Variants in DYNC2H1 observed in about 807,000 individuals in gnomAD.
DYNC2H1 encodes cytoplasmic dynein 2 heavy chain 1.
A neutral mutation model predicts 570.0 loss-of-function variants in DYNC2H1; 410 were observed. The ratio of observed to expected loss-of-function variants is 0.72; its 90% CI spans 0.66 to 0.78. DYNC2H1 has a LOEUF of 0.78. Ranked by LOEUF, DYNC2H1 falls within the 30% of genes least tolerant of loss-of-function variation. The pLI, the probability that DYNC2H1 is intolerant of heterozygous loss-of-function variation, is 0.00. For missense variants in DYNC2H1, 4,865 were observed against 5,046.4 expected (o/e 0.96, Z 1.09); for synonymous variants, 1,688 against 1,677.6 (o/e 1.01, Z -0.15).
At chr11:103,240,113 T>G (rs2135213627) in intron 63 of DYNC2H1, among the ~76,000 whole-genome samples, 1 of 152,270 alleles carries the variant, frequency 6.6e-6, no homozygotes, top group South Asian at 2.1e-4. Flanking sequence ...ATAGCTGAGA[T>G]GTCTAAAAGG....
At chr11:103,187,999 G>A (rs1360237515) in intron 43 of DYNC2H1, among the ~76,000 whole-genome samples, 5 of 151,886 alleles carry the variant, frequency 3.3e-5, no homozygotes, top group African/African-American at 7.3e-5. Context: ...ATTTTTGCCT[G>A]TATAAGGATT....
At chr11:103,410,955 A>G (rs190317785) in intron 84 of DYNC2H1, among the ~76,000 whole-genome samples, 43 of 152,272 alleles carry the variant, frequency 2.8e-4, no homozygotes, top group African/African-American at 1.0e-3. Context: ...GCATTTGTGC[A>G]TGCTTGATAC....
At chr11:103,216,690 G>T (rs1383695970) in intron 55 of DYNC2H1, among the ~76,000 whole-genome samples, 1 of 152,026 alleles carries the variant, frequency 6.6e-6, no homozygotes, top group Non-Finnish European at 1.5e-5. Context: ...TACTCAGGAG[G>T]CTGAGGTAGG....
chr11:103,259,265 C>T (rs983724478), intron 69 of DYNC2H1, among the ~76,000 whole-genome samples: 2 of 152,148 alleles, frequency 1.3e-5, no homozygotes, highest in African/African-American at 2.4e-5. Flanking sequence ...GACAGGTTGA[C>T]AACCTACCCT....
chr11:103,400,565 C>A (rs910608784), intron 84 of DYNC2H1, among the ~76,000 whole-genome samples: 1 of 152,006 alleles, frequency 6.6e-6, no homozygotes, highest in Non-Finnish European at 1.5e-5. Flanking sequence ...GGATGTTCTG[C>A]ACAGATTTAT....
chr11:103,227,236 TG>T (rs1004627174), intron 59 of DYNC2H1, among the ~76,000 whole-genome samples: 2 of 152,138 alleles, frequency 1.3e-5, no homozygotes, highest in African/African-American at 4.8e-5. Flanking sequence ...GGGTTTGGAT[TG>T]TTCTTGTTTC....
intron 47 of DYNC2H1, among the ~76,000 whole-genome samples, chr11:103,197,532 T>C (rs779292226): frequency 6.6e-6 from 1 of 152,052 alleles, no homozygotes; most frequent in East Asian, 1.9e-4. Context: ...ACGGCAGCCT[T>C]AAACTCCTGG....
At chr11:103,282,042 C>A in intron 71 of DYNC2H1, 137 bp from the exon 72 acceptor site, 20 of 581,022 alleles carry the variant, frequency 3.4e-5, no homozygotes, top group Non-Finnish European at 4.5e-5. Context: ...TGTTAACATA[C>A]TAGAAGAAGT....
intron 84 of DYNC2H1, among the ~76,000 whole-genome samples, chr11:103,422,635 A>G (rs1450896091): frequency 1.3e-5 from 2 of 152,228 alleles, no homozygotes; most frequent in Non-Finnish European, 2.9e-5. Context: ...TGTAAAATTC[A>G]GCATCCTATT....
rs376892534 is a variant in DYNC2H1 at position 103,184,880 on chromosome 11, G to C, written c.6478-16G>C. The C allele has an allele frequency of 3.1e-6, 5 of 1,608,618 alleles. No homozygotes were observed. The East Asian group carries it at 1.1e-4, about 36-fold the overall frequency. On this transcript the variant is annotated splice_polypyrimidine_tract_variant and intron_variant, in intron 40 of 88. Coordinates refer to ENST00000375735, the MANE Select transcript of DYNC2H1 (RefSeq NM_001377.3). ...GTTGCCTTTTGTCTGTTTGTATCAC[G>C]GATTTTAATCAACAGAATGACTATG...
At chr11:103,393,817 A>T (rs907112008) in intron 83 of DYNC2H1, among the ~76,000 whole-genome samples, 4 of 152,174 alleles carry the variant, frequency 2.6e-5, no homozygotes, top group East Asian at 1.9e-4. Context: ...GCGGAAGGCG[A>T]GGAGGAGTTA....
In DYNC2H1 at chr11:103,163,231, C is replaced by A. The variant is rs1591342395; in HGVS notation, c.4611+84C>A. 17 of 1,449,874 alleles carry A rather than the reference C, an allele frequency of 1.2e-5. No individual in the cohort carries two copies. The highest frequency in any genetic ancestry group is 2.2e-5 in the Admixed American group (1 of 44,572). 89.8% of individuals were successfully genotyped at this position (1,449,874 alleles called of 1,614,324 possible). A position where few individuals can be genotyped will look rare whatever the true frequency, so the allele number is the denominator to read the frequency against. Reference sequence around the variant, plus strand: ...TAGAAGCCAGGAGGCTCAGATAAATCGCATCTGTTTTCTCCCTTTATCTAA... The same window carrying A: ...TAGAAGCCAGGAGGCTCAGATAAATAGCATCTGTTTTCTCCCTTTATCTAA... On this transcript the variant is annotated intron_variant, in intron 30 of 88. Transcript: ENST00000375735. This position sits in a 1 kb window ranked among gnomAD's most constrained non-coding sequence, Gnocchi z 4.6.
chr11:103,411,371 A>G (rs997359849), intron 84 of DYNC2H1, among the ~76,000 whole-genome samples: 17 of 152,012 alleles, frequency 1.1e-4, no homozygotes, highest in African/African-American at 3.9e-4. Flanking sequence ...TGCTTATTGT[A>G]TAAAATGGAG....
intron 82 of DYNC2H1, among the ~76,000 whole-genome samples, chr11:103,329,329 G>C (rs1456938247): frequency 2.0e-5 from 3 of 152,010 alleles, no homozygotes; most frequent in Admixed American, 2.0e-4. Flanking sequence ...GTTGTTCAGG[G>C]AGTGGAAGAG....
At position 103,326,744 on chromosome 11, in the gene DYNC2H1, G is replaced by A. The variant is rs1938508817; in HGVS notation, c.12039+2754G>A. 6.6e-6 allele frequency among the ~76,000 whole-genome samples: 1 copy of A among 152,350 alleles called. No homozygotes were observed. Among genetic ancestry groups the A allele is most frequent in the African/African-American group, 2.4e-5 (1 of 41,594 alleles). On this transcript the variant is annotated intron_variant, in intron 82 of 88. Transcript: ENST00000375735. This position sits in a 1 kb window ranked among gnomAD's most constrained non-coding sequence, Gnocchi z 6.1. ...GAGGGGCTCGGCAGTGGGAAGGCCT[G>A]CAGAACAGATGTGCCCCAATCCTGT... is the stretch of plus-strand genomic sequence containing the variant.
At chr11:103,192,389 T>C in intron 47 of DYNC2H1, 125 bp downstream of exon 47, 1 of 677,172 alleles carries the variant, frequency 1.5e-6, no homozygotes, top group South Asian at 6.5e-5. Flanking sequence ...ATATTATTTT[T>C]CCGTAAGGTA....
In DYNC2H1 at chr11:103,117,802, C is replaced by G. The variant is rs748989859; in HGVS notation, c.938C>G (p.Pro313Arg). 7.4e-6 allele frequency: 12 copies of G among 1,612,664 alleles called. No homozygotes were observed. The East Asian group carries it at 2.7e-4, about 36-fold the overall frequency. ...GQVWQRYVPH[P>R]WKNEKYFPET... ...GTGTGGCAGCGCTATGTTCCTCATC[C>G]ATGGAAAAATGAAAAATATTTTCCA... The change falls in exon 6 of 89, where the codon CCA becomes CGA. Residue 313 changes from proline (P) to arginine (R), a missense_variant. By Grantham distance (103) the Pro-to-Arg change is moderately radical (BLOSUM62 -2). This residue lies in a region of DYNC2H1 where 1,936 missense variants were observed against 1,962.1 expected (regional missense o/e 0.99). Coordinates refer to ENST00000375735, the MANE Select transcript of DYNC2H1 (RefSeq NM_001377.3).
chr11:103,255,446 C>A lies in DYNC2H1; in HGVS notation c.10238C>A (p.Pro3413His). 6.4e-7 allele frequency: 1 copy of A among 1,567,370 alleles called. No individual in the cohort carries two copies. Among genetic ancestry groups the A allele is most frequent in the Non-Finnish European group, 8.7e-7 (1 of 1,155,164 alleles). ...LLALTIQHEK[P>H]DLEEQKTKLL... ...GCTTTAACCATTCAGCATGAGAAAC[C>A]TGATTTAGAAGAACAGAAAACAAAA... The change falls in exon 67 of 89, where the codon CCT (proline) becomes CAT (histidine). Residue 3413 changes from proline (P) to histidine (H), a missense_variant. Physicochemically the swap from Pro to His is moderately conservative, Grantham distance 77. This residue lies in a region of DYNC2H1 where 2,401 missense variants were observed against 2,454.6 expected (regional missense o/e 0.98). Transcript: ENST00000375735.
At chr11:103,433,157 T>C (rs1260621641) in intron 84 of DYNC2H1, among the ~76,000 whole-genome samples, 1 of 152,092 alleles carries the variant, frequency 6.6e-6, no homozygotes, top group Admixed American at 6.6e-5. Flanking sequence ...TTCTATTATG[T>C]CACCTATTAT....
Sources: allele counts gnomAD v4.1 joint callset (sites outside exome capture counted in the v4.1 genomes callset), GRCh38; gene constraint gnomAD v4.1.1; regional missense constraint gnomAD v4.1.1; non-coding constraint Gnocchi (gnomAD v3.1); transcripts MANE v1.5; gene names NCBI Gene and HGNC (gene_info 2026-07-23, HGNC 2026-07-21).